NAALADL2: variants seen among roughly 807,000 people sequenced by gnomAD.
NAALADL2 encodes N-acetylated alpha-linked acidic dipeptidase like 2.
Under a neutral mutation model 87.2 loss-of-function variants are expected in NAALADL2, and 76 were observed. The observed-to-expected ratio is 0.87, with a 90% confidence interval of 0.72 to 1.05. The LOEUF is 1.05. Among genes scored for constraint, NAALADL2 ranks in the 50% least tolerant of loss-of-function variants. NAALADL2 has a pLI of 0.00. For synonymous variants in NAALADL2, 354 were observed against 331.0 expected, an observed-to-expected ratio of 1.07 and a Z score of -0.75; for missense variants, 1,089 against 945.8, an observed-to-expected ratio of 1.15 and a Z score of -1.99.
intron 1 of NAALADL2, among the ~76,000 whole-genome samples, chr3:174,456,800 C>G (rs1310283480): frequency 6.6e-6 from 1 of 151,918 alleles, no homozygotes; most frequent in Non-Finnish European, 1.5e-5. Flanking sequence ...ATTCTGGACA[C>G]AGGAATGGGC....
chr3:175,610,330 GTTTA>G (rs1390458552), intron 10 of NAALADL2, among the ~76,000 whole-genome samples: 1 of 151,564 alleles, frequency 6.6e-6, no homozygotes, highest in African/African-American at 2.4e-5. Flanking sequence ...CTTCTTTTTT[GTTTA>G]TTTAACAATG....
intron 1 of NAALADL2, among the ~76,000 whole-genome samples, chr3:174,968,922 G>T (rs747442545): frequency 2.0e-5 from 3 of 152,110 alleles, no homozygotes; most frequent in Non-Finnish European, 4.4e-5. Flanking sequence ...TATTCTTTGA[G>T]GGCCTGCTAA....
intron 5 of NAALADL2, among the ~76,000 whole-genome samples, chr3:175,415,117 A>G (rs1039392952): frequency 2.5e-4 from 38 of 152,204 alleles, no homozygotes; most frequent in African/African-American, 9.2e-4. Context: ...ATATACACAG[A>G]TAGTTCTAAT....
chr3:175,535,063 G>C (rs1734627114), intron 9 of NAALADL2, among the ~76,000 whole-genome samples: 1 of 152,044 alleles, frequency 6.6e-6, no homozygotes, highest in Non-Finnish European at 1.5e-5. Flanking sequence ...TGCATTATTA[G>C]AGCAATCAGA....
intron 3 of NAALADL2, among the ~76,000 whole-genome samples, chr3:175,238,425 C>T (rs965645321): frequency 6.6e-6 from 1 of 152,036 alleles, no homozygotes; most frequent in Non-Finnish European, 1.5e-5. Context: ...TACGGATAAA[C>T]CTTACACCTT....
intron 11 of NAALADL2, among the ~76,000 whole-genome samples, chr3:175,694,409 C>T (rs1737464067): frequency 6.6e-6 from 1 of 152,110 alleles, no homozygotes; most frequent in Non-Finnish European, 1.5e-5. Context: ...ATAAATCACA[C>T]TGAGTATATA....
chr3:175,159,600 G>A (rs991723582), intron 2 of NAALADL2, among the ~76,000 whole-genome samples: 4 of 152,088 alleles, frequency 2.6e-5, no homozygotes, highest in Non-Finnish European at 5.9e-5. Context: ...TAACACCAAT[G>A]ATTTTTCAAA....
rs564598105 is a variant in NAALADL2 at position 175,050,041 on chromosome 3, A to G, written c.44-46749A>G. Among the ~76,000 whole-genome samples, 8 of 152,162 alleles carry G rather than the reference A, an allele frequency of 5.3e-5. No homozygotes were observed. The East Asian group carries it at 1.5e-3, about 29-fold the overall frequency. ...TACTCTGATTACCTCCCAAATTCCA[A>G]AGATGTGCACGTTAGGATAATTGGT... On this transcript the variant is annotated intron_variant, in intron 1 of 13. Transcript: ENST00000454872.
intron 3 of NAALADL2, among the ~76,000 whole-genome samples, chr3:174,777,993 G>T (rs1251408859): frequency 6.6e-6 from 1 of 152,074 alleles, no homozygotes; most frequent in Non-Finnish European, 1.5e-5. Context: ...TTTTAGGGAT[G>T]ATATAGTACT....
intron 3 of NAALADL2, among the ~76,000 whole-genome samples, chr3:174,798,979 G>A (rs1578977587): frequency 6.6e-6 from 1 of 152,156 alleles, no homozygotes; most frequent in African/African-American, 2.4e-5. Flanking sequence ...AGACCAGCCT[G>A]GTCAATATGG....
At chr3:175,279,787 A>AGTGTGTGT (rs34107349) in intron 4 of NAALADL2, among the ~76,000 whole-genome samples, 36 of 125,626 alleles carry the variant, frequency 2.9e-4, no homozygotes, top group East Asian at 1.5e-3. Context: ...ATAGTGTGTG[A>AGTGTGTGT]GTGTGTGTGT....
chr3:175,244,035 A>G (rs1190334635), intron 3 of NAALADL2, among the ~76,000 whole-genome samples: 1 of 152,130 alleles, frequency 6.6e-6, no homozygotes, highest in African/African-American at 2.4e-5. Context: ...TGGACTTTCA[A>G]CACAGCAACG....
chr3:175,669,746 A>C (rs1582838580), intron 11 of NAALADL2, among the ~76,000 whole-genome samples: 1 of 152,130 alleles, frequency 6.6e-6, no homozygotes, highest in African/African-American at 2.4e-5. Flanking sequence ...GTAAGTGAAT[A>C]GTTTCCCAAA....
chr3:174,685,915 G>A lies in NAALADL2; in HGVS notation c.-114-51726G>A, dbSNP rs115362257. On this transcript the variant is annotated intron_variant, in intron 2 of 3. Coordinates refer to the NAALADL2 transcript ENST00000434257. The stretch of plus-strand genomic sequence containing the variant: ...CTCCCATGTATAAGTGAGAACATGC[G>A]GTATTGGTTTTCTGTTCCTGTGTTA... Among the ~76,000 whole-genome samples the A allele has an allele frequency of 7.5e-3, 1,129 of 150,896 alleles. 13 individuals are homozygous for A. Among genetic ancestry groups the A allele is most frequent in the African/African-American group, 0.026 (1,073 of 41,102 alleles).
intron 11 of NAALADL2, among the ~76,000 whole-genome samples, chr3:175,638,322 G>A (rs769219787): frequency 1.7e-4 from 26 of 152,140 alleles, no homozygotes; most frequent in Non-Finnish European, 3.2e-4. Flanking sequence ...TTTCTTCAGA[G>A]AAGATTCAGA....
intron 11 of NAALADL2, among the ~76,000 whole-genome samples, chr3:175,659,905 G>A (rs1732015667): frequency 6.6e-6 from 1 of 152,174 alleles, no homozygotes; most frequent in Non-Finnish European, 1.5e-5. Flanking sequence ...GCCTGCCTCA[G>A]TCTGTTCAGG....
intron 5 of NAALADL2, among the ~76,000 whole-genome samples, chr3:175,391,221 C>T (rs1164915894): frequency 6.6e-6 from 1 of 152,160 alleles, no homozygotes; most frequent in African/African-American, 2.4e-5. Context: ...TAACCACATA[C>T]CTCATGTTGG....
At chr3:174,820,802 T>C (rs1213318120) in intron 3 of NAALADL2, among the ~76,000 whole-genome samples, 1 of 152,064 alleles carries the variant, frequency 6.6e-6, no homozygotes, top group East Asian at 1.9e-4. Flanking sequence ...TATTATATTA[T>C]TTTCTGTTAT....
At chr3:174,468,915 A>C (rs1039702567) in intron 1 of NAALADL2, among the ~76,000 whole-genome samples, 1 of 150,370 alleles carries the variant, frequency 6.7e-6, no homozygotes, top group South Asian at 2.1e-4. Context: ...GGCACCCACC[A>C]CCATGCCTGG....
Sources: allele counts gnomAD v4.1 joint callset (sites outside exome capture counted in the v4.1 genomes callset), GRCh38; gene constraint gnomAD v4.1.1; transcripts MANE v1.5; gene names NCBI Gene and HGNC (gene_info 2026-07-23, HGNC 2026-07-21).